TMEM181: variants seen among roughly 807,000 people sequenced by gnomAD.
TMEM181 encodes the protein G protein-coupled receptor 178.
Under a neutral mutation model 71.9 loss-of-function variants are expected in TMEM181, and 39 were observed. That is an observed-to-expected ratio of 0.54 (90% CI 0.42 to 0.71). TMEM181 has a LOEUF of 0.71. TMEM181 is among the 30% of genes least tolerant of loss of function. The pLI is 0.00. For missense variants in TMEM181, 595 were observed against 583.0 expected (o/e 1.02, Z -0.21); for synonymous variants, 245 against 228.8 (o/e 1.07, Z -0.64).
At chr6:158,553,181 C>T (rs1781769865) in intron 1 of TMEM181, among the ~76,000 whole-genome samples, 1 of 126,382 alleles carries the variant, frequency 7.9e-6, no homozygotes, top group South Asian at 2.5e-4. Flanking sequence ...GAGAGGGGTC[C>T]CTGTCTCCGA....
exon 1 of TMEM181, chr6:158,536,705 G>GCGGGAC: frequency 3.9e-6 from 6 of 1,545,046 alleles, no homozygotes; most frequent in Non-Finnish European, 5.2e-6. Flanking sequence ...GGGTGGAGCG[G>GCGGGAC]CGGGACCGGG....
intron 6 of TMEM181, among the ~76,000 whole-genome samples, chr6:158,590,112 A>G (rs1169175000): frequency 2.0e-5 from 3 of 152,084 alleles, no homozygotes; most frequent in Non-Finnish European, 2.9e-5. Flanking sequence ...CTCTGCCCGA[A>G]CTGCCGGTGA....
At chr6:158,563,078 T>C (rs1782276400) in intron 1 of TMEM181, among the ~76,000 whole-genome samples, 1 of 152,168 alleles carries the variant, frequency 6.6e-6, no homozygotes, top group African/African-American at 2.4e-5. Flanking sequence ...TCACAACGGA[T>C]TTAATTGCCA....
chr6:158,618,355 A>C (rs184190867), intron 10 of TMEM181, among the ~76,000 whole-genome samples: 517 of 152,008 alleles, frequency 3.4e-3, no homozygotes, highest in African/African-American at 0.012. Context: ...GTAGATATTC[A>C]TCCATCCCTT....
chr6:158,586,097 G>A (rs927836653), intron 5 of TMEM181, among the ~76,000 whole-genome samples: 8 of 152,176 alleles, frequency 5.3e-5, no homozygotes, highest in Non-Finnish European at 1.5e-5. Context: ...TTGGGCGTCA[G>A]GGGCCTACCT....
At position 158,629,798 on chromosome 6, in the gene TMEM181, C is replaced by G; in HGVS notation, c.1261C>G (p.Pro421Ala). Residue 421 changes from proline to alanine, a missense_variant, in exon 15 of 17, where the codon CCA (proline) becomes GCA (alanine). Transcript: ENST00000684151. ...CTACACCTTGGCCTTTGTATATTCT[C>G]CATCGAAGAATGCCCTCTATGGTAA... ...YLYTLAFVYS[P>A]SKNALYESQL... 6.2e-7 allele frequency: 1 copy of G among 1,614,032 alleles called. No homozygotes were observed. The highest frequency in any genetic ancestry group is 8.5e-7 in the Non-Finnish European group (1 of 1,179,920).
intron 10 of TMEM181, among the ~76,000 whole-genome samples, chr6:158,616,485 C>T (rs1270729126): frequency 1.3e-5 from 2 of 152,116 alleles, no homozygotes; most frequent in African/African-American, 2.4e-5. Context: ...TTTCTTTCTC[C>T]TGCCTGACTG....
chr6:158,573,263 G>C (rs1399216966), intron 1 of TMEM181, among the ~76,000 whole-genome samples, 157 bp from the exon 2 acceptor site: 1 of 152,172 alleles, frequency 6.6e-6, no homozygotes, highest in Admixed American at 6.5e-5. Context: ...GTTTTGTCAG[G>C]AGGTTACCTG....
At position 158,628,392 on chromosome 6, in the gene TMEM181, C is replaced by T. The variant is rs371658476; in HGVS notation, c.1110-16C>T. Reference sequence around the variant, plus strand: ...TGCATGTTTACATATTGTCTCTGCTCCTCTGTCTTGTTCAGCATCGCCATC... The same window carrying T: ...TGCATGTTTACATATTGTCTCTGCTTCTCTGTCTTGTTCAGCATCGCCATC... On this transcript the variant is annotated splice_polypyrimidine_tract_variant and intron_variant, in intron 13 of 16. Transcript: ENST00000684151. 6.3e-4 allele frequency: 1,022 copies of T among 1,613,742 alleles called. 1 individual carries two copies. The highest frequency in any genetic ancestry group is 8.0e-4 in the Non-Finnish European group (943 of 1,179,798).
intron 1 of TMEM181, among the ~76,000 whole-genome samples, chr6:158,568,280 A>AAGGTTT (rs1562624793): frequency 4.8e-4 from 73 of 151,948 alleles, no homozygotes; most frequent in African/African-American, 1.7e-3. Flanking sequence ...AAACCTTTTG[A>AAGGTTT]CCTTGAAGTA....
intron 6 of TMEM181, 120 bp from the exon 7 acceptor site, chr6:158,605,147 T>TGTGTGTGG: frequency 1.8e-6 from 1 of 566,342 alleles, no homozygotes; most frequent in Non-Finnish European, 3.2e-6. Flanking sequence ...TGTGTGTGTG[T>TGTGTGTGG]GTGTGTGTGT....
At chr6:158,618,308 TTTGTTGTTG>T (rs376129600) in intron 10 of TMEM181, among the ~76,000 whole-genome samples, 2 of 151,862 alleles carry the variant, frequency 1.3e-5, no homozygotes, top group South Asian at 2.1e-4. Context: ...AACCCCTGCT[TTTGTTGTTG>T]TTGTTGTTGT....
chr6:158,558,732 C>T (rs7742892), upstream of TMEM181, among the ~76,000 whole-genome samples: 69,534 of 151,992 alleles, frequency 0.46, 17,013 homozygotes, highest in East Asian at 0.75. Flanking sequence ...AGGGAGGCAT[C>T]CTCAGGCCTA....
chr6:158,551,378 A>C (rs1781719231), intron 1 of TMEM181, among the ~76,000 whole-genome samples: 1 of 152,168 alleles, frequency 6.6e-6, no homozygotes, highest in African/African-American at 2.4e-5. Context: ...CTGGTCCTAC[A>C]GTTACTAGAA....
intron 6 of TMEM181, among the ~76,000 whole-genome samples, chr6:158,596,560 C>T (rs1447079778): frequency 1.3e-5 from 2 of 152,168 alleles, no homozygotes; most frequent in Non-Finnish European, 2.9e-5. Context: ...GTTTCACTAA[C>T]CAGCTCTTCT....
intron 10 of TMEM181, among the ~76,000 whole-genome samples, chr6:158,616,019 A>G (rs1326526071): frequency 2.0e-5 from 3 of 152,210 alleles, no homozygotes; most frequent in Non-Finnish European, 2.9e-5. Flanking sequence ...AATTCTGTGA[A>G]GAAAGTCCTT....
intron 5 of TMEM181, among the ~76,000 whole-genome samples, chr6:158,587,332 C>T (rs979743500): frequency 3.3e-5 from 5 of 152,142 alleles, no homozygotes; most frequent in Admixed American, 6.5e-5. Flanking sequence ...GGTTTCTTCC[C>T]GCTTCCGTTG....
Position 158,620,492 on chromosome 6 carries a change from AAGAGAG to A in TMEM181, c.897-3055_897-3050del, listed in dbSNP as rs1421775954. Among the ~76,000 whole-genome samples the A allele has an allele frequency of 2.0e-5, 3 of 152,068 alleles. No individual in the cohort carries two copies. Among genetic ancestry groups the A allele is most frequent in the Non-Finnish European group, 1.5e-5 (1 of 67,994 alleles). ...GCTTCCCGAACCGGCATGCGTGAGG[AAGAGAG>A]AGGGAGAGGGAGAGAGAAAGAAGAG... On this transcript the variant is annotated intron_variant, in intron 10 of 16. Coordinates refer to ENST00000684151, the MANE Select transcript of TMEM181 (RefSeq NM_001376852.1). This position sits in a 1 kb window ranked among gnomAD's most constrained non-coding sequence, Gnocchi z 4.5.
chr6:158,536,946 C>T (rs1781133709), intron 1 of TMEM181: 1 of 1,121,908 alleles, frequency 8.9e-7, no homozygotes. Context: ...GCGCCCCGGC[C>T]TTGGCCTGGT....
Sources: allele counts gnomAD v4.1 joint callset (sites outside exome capture counted in the v4.1 genomes callset), GRCh38; gene constraint gnomAD v4.1.1; non-coding constraint Gnocchi (gnomAD v3.1); transcripts MANE v1.5; gene names NCBI Gene and HGNC (gene_info 2026-07-23, HGNC 2026-07-21).